ABCA12: variants seen among roughly 807,000 people sequenced by gnomAD.
ABCA12 encodes the protein ATP binding cassette subfamily A member 12, also known as glucosylceramide transporter ABCA12.
A neutral mutation model predicts 293.5 loss-of-function variants in ABCA12; 156 were observed. The ratio of observed to expected loss-of-function variants is 0.53; its 90% CI spans 0.47 to 0.61. The LOEUF is 0.61. Ranked by LOEUF, ABCA12 falls within the 20% of genes least tolerant of loss-of-function variation. The probability of loss-of-function intolerance (pLI) is 0.00; values close to 1 mark genes in which losing one functional copy is unlikely to be tolerated. For missense variants in ABCA12, 2,797 were observed against 3,090.2 expected (o/e 0.91, Z 2.25); for synonymous variants, 1,063 against 1,108.0 (o/e 0.96, Z 0.81).
At chr2:214,939,387 C>T (rs1382590557) in intron 50 of ABCA12, among the ~76,000 whole-genome samples, 1 of 152,152 alleles carries the variant, frequency 6.6e-6, no homozygotes, top group African/African-American at 2.4e-5. Flanking sequence ...AGTTTGAAGT[C>T]AGGTAGCATG....
chr2:215,012,460 A>G (rs1335851972), intron 15 of ABCA12, among the ~76,000 whole-genome samples: 2 of 152,252 alleles, frequency 1.3e-5, no homozygotes, highest in Non-Finnish European at 2.9e-5. Context: ...AAAGGAAATG[A>G]AATACTGATA....
intron 15 of ABCA12, among the ~76,000 whole-genome samples, chr2:215,014,189 A>T (rs1030232327): frequency 1.3e-5 from 2 of 152,116 alleles, no homozygotes; most frequent in Non-Finnish European, 2.9e-5. Flanking sequence ...TCAAAAAAAA[A>T]AAAAGGTTTA....
At chr2:215,070,889 A>C (rs1402749084) in intron 2 of ABCA12, among the ~76,000 whole-genome samples, 1 of 152,140 alleles carries the variant, frequency 6.6e-6, no homozygotes, top group Admixed American at 6.6e-5. Flanking sequence ...TGGTTAAAAA[A>C]TAAACCTTCG....
rs1700376216 is a variant in ABCA12, at chr2:215,011,633, T to C, written c.2138A>G (p.Asn713Ser). Residue 713 changes from asparagine to serine, a missense_variant, in exon 17 of 53, where the codon AAC becomes AGC. Asn to Ser is a conservative substitution (Grantham distance 46). Coordinates refer to ENST00000272895, the MANE Select transcript of ABCA12 (RefSeq NM_173076.3). ...VPLTQAMYRS[N>S]RMNTPQGSFS... ...TGATCCTTGTGGTGTGTTCATTCGG[T>C]TGCTTCTGTACATTGCCTGTGAGAC... 6.2e-7 allele frequency: 1 copy of C among 1,613,950 alleles called. No individual in the cohort carries two copies. Among genetic ancestry groups the C allele is most frequent in the Non-Finnish European group, 8.5e-7 (1 of 1,179,928 alleles).
chr2:214,994,880 T>C (rs543552123), intron 23 of ABCA12, among the ~76,000 whole-genome samples: 4 of 152,080 alleles, frequency 2.6e-5, no homozygotes, highest in Non-Finnish European at 4.4e-5. Flanking sequence ...CAAAATTCTG[T>C]CTCCAACAAA....
At chr2:214,935,903 A>G (rs1335691834) in intron 51 of ABCA12, among the ~76,000 whole-genome samples, 1 of 152,182 alleles carries the variant, frequency 6.6e-6, no homozygotes, top group Non-Finnish European at 1.5e-5. Flanking sequence ...ATGAAGATAA[A>G]ATAATTATTT....
At chr2:215,110,954 C>T (rs1023004760) in intron 2 of ABCA12, among the ~76,000 whole-genome samples, 8 of 152,226 alleles carry the variant, frequency 5.3e-5, no homozygotes, top group African/African-American at 1.9e-4. Flanking sequence ...ATTCATCAAG[C>T]CACTGGGGTT....
chr2:215,030,438 CAA>C (rs59050296), intron 9 of ABCA12, among the ~76,000 whole-genome samples: 26 of 113,556 alleles, frequency 2.3e-4, no homozygotes, highest in African/African-American at 2.5e-4. Context: ...ACTAACAATA[CAA>C]AAAAAAAAAA....
chr2:214,997,573 C>A, intron 23 of ABCA12, 122 bp downstream of exon 23: 1 of 702,798 alleles, frequency 1.4e-6, no homozygotes, highest in South Asian at 2.1e-5. Flanking sequence ...AAAGGTTTTT[C>A]TTTCTGTTTA....
chr2:215,041,423 G>A (rs1418331398), intron 7 of ABCA12, among the ~76,000 whole-genome samples: 3 of 151,880 alleles, frequency 2.0e-5, no homozygotes, highest in East Asian at 1.9e-4. Flanking sequence ...ATGGTGGCAC[G>A]TGCCTGTAGT....
chr2:215,119,468 A>G (rs1702755639), intron 1 of ABCA12, among the ~76,000 whole-genome samples: 1 of 151,972 alleles, frequency 6.6e-6, no homozygotes, highest in African/African-American at 2.4e-5. Context: ...ATCCATCTTG[A>G]GTTAATTTTT....
intron 2 of ABCA12, among the ~76,000 whole-genome samples, chr2:215,083,956 G>T (rs1028673455): frequency 4.6e-5 from 7 of 151,952 alleles, no homozygotes; most frequent in African/African-American, 1.5e-4. Context: ...TTTTTATAAA[G>T]AATATCTTTG....
At chr2:214,996,084 G>T (rs1176560142) in intron 23 of ABCA12, among the ~76,000 whole-genome samples, 1 of 152,102 alleles carries the variant, frequency 6.6e-6, no homozygotes, top group Admixed American at 6.5e-5. Flanking sequence ...AGACAAAGGT[G>T]GTTAAATTTC....
At chr2:215,074,013 G>C (rs1256747546) in intron 2 of ABCA12, among the ~76,000 whole-genome samples, 1 of 152,152 alleles carries the variant, frequency 6.6e-6, no homozygotes. Context: ...AATAACTTTG[G>C]TTAATTCCAG....
chr2:214,986,844 TA>T, intron 27 of ABCA12, 116 bp from the exon 28 acceptor site: 1 of 961,110 alleles, frequency 1.0e-6, no homozygotes, highest in Non-Finnish European at 1.6e-6. Context: ...CTAAGTAAAA[TA>T]AAAAATCCAG....
intron 52 of ABCA12, 55 bp from the exon 53 acceptor site, chr2:214,932,796 TAA>T (rs1208226116): frequency 1.6e-6 from 2 of 1,264,366 alleles, no homozygotes; most frequent in Non-Finnish European, 1.1e-6. Flanking sequence ...AAGGAAAAAA[TAA>T]AGTTAATTCA....
chr2:214,935,142 T>C (rs1698180022), intron 51 of ABCA12, among the ~76,000 whole-genome samples: 1 of 152,216 alleles, frequency 6.6e-6, no homozygotes, highest in Admixed American at 6.5e-5. Flanking sequence ...CCCATTGACA[T>C]GCAGTTGCAT....
At chr2:214,947,756 T>G (rs1698627954) in intron 47 of ABCA12, 200 bp from the exon 48 acceptor site, 3 of 629,512 alleles carry the variant, frequency 4.8e-6, no homozygotes, top group Non-Finnish European at 7.9e-6. Context: ...TTAAAGAGAT[T>G]CTTTGGAGGC....
At position 215,012,665 on chromosome 2, in the gene ABCA12, G is replaced by A. The variant is rs530645910; in HGVS notation, c.1957-530C>T. Among the ~76,000 whole-genome samples the A allele has an allele frequency of 7.2e-5, 11 of 152,230 alleles. No homozygotes were observed. The South Asian group carries it at 2.1e-3, about 29-fold the overall frequency. On this transcript the variant is annotated intron_variant, in intron 15 of 52. Transcript: ENST00000272895. ...ATGAGACGTAACTGCAAATAGACAT[G>A]AGGTTTCCTTCCGAAGTAATGGAAA...
Sources: gnomAD v4.1 joint callset for allele counts (sites outside exome capture counted in the v4.1 genomes callset) on GRCh38, gnomAD v4.1.1 for gene constraint, MANE v1.5 for transcripts, NCBI Gene and HGNC (gene_info 2026-07-23, HGNC 2026-07-21) for gene names.